MTMR3: variants seen among roughly 807,000 people sequenced by gnomAD.
MTMR3 encodes the protein phosphatidylinositol-3,5-bisphosphate 3-phosphatase MTMR3.
In MTMR3, 32 loss-of-function variants were observed where a neutral mutation model predicts 132.4. The ratio of observed to expected loss-of-function variants is 0.24; its 90% CI spans 0.18 to 0.32. MTMR3 has a LOEUF of 0.32. Among genes scored for constraint, MTMR3 ranks in the 10% least tolerant of loss-of-function variants. The pLI is 1.00. For missense variants in MTMR3, 1,216 were observed against 1,489.6 expected, an observed-to-expected ratio of 0.82 and a Z score of 3.02; for synonymous variants, 556 against 550.3, an observed-to-expected ratio of 1.01 and a Z score of -0.14.
chr22:29,952,184 G>C (rs1037795182), intron 1 of MTMR3, among the ~76,000 whole-genome samples: 1 of 152,142 alleles, frequency 6.6e-6, no homozygotes, highest in African/African-American at 2.4e-5. Context: ...ATAACTTGGA[G>C]TTCAGCTTGG....
intron 1 of MTMR3, among the ~76,000 whole-genome samples, chr22:29,893,683 A>G (rs2064840126): frequency 6.6e-6 from 1 of 152,034 alleles, no homozygotes; most frequent in Admixed American, 6.6e-5. Flanking sequence ...AGACACTTAT[A>G]TATAGAAGAG....
At chr22:29,905,468 A>G (rs1460381521) in intron 1 of MTMR3, among the ~76,000 whole-genome samples, 1 of 152,182 alleles carries the variant, frequency 6.6e-6, no homozygotes, top group Admixed American at 6.5e-5. Flanking sequence ...ATACTATGAA[A>G]ATTTCATAGT....
intron 1 of MTMR3, among the ~76,000 whole-genome samples, chr22:29,934,150 C>T (rs36592): frequency 0.078 from 11,803 of 152,098 alleles, 541 homozygotes; most frequent in African/African-American, 0.092. Context: ...GTCAAGAGAT[C>T]GAGACCATCC....
intron 7 of MTMR3, chr22:29,995,678 T>A (rs2067046713): frequency 6.6e-6 from 1 of 152,176 alleles, no homozygotes; most frequent in Admixed American, 6.5e-5. Context: ...ATAGCCCCAG[T>A]ATTTAAAGAA....
rs1447787117 is a variant in MTMR3, at chr22:30,018,019, C to T, written c.1767C>T (p.Ser589=). 1.2e-6 allele frequency: 2 copies of T among 1,613,664 alleles called. No homozygotes were observed. Among genetic ancestry groups the T allele is most frequent in the South Asian group, 2.2e-5 (2 of 91,032 alleles). ...CPSPTTPVDD[S]CAPYPAPGTS... ...CCCCAACCACCCCTGTGGACGACAG[C>T]TGTGCACCATACCCAGCCCCAGGCA... Residue 589 remains serine, a synonymous_variant, in exon 16 of 20, where the codon AGC becomes AGT. Transcript: ENST00000401950.
At chr22:29,991,726 G>C (rs1211506176) in intron 7 of MTMR3, 56 bp downstream of exon 7, 2 of 1,484,126 alleles carry the variant, frequency 1.3e-6, no homozygotes, top group South Asian at 2.7e-5. Context: ...TACTGATGGA[G>C]GTACTTTTAA....
At chr22:29,936,402 C>G (rs916038447) in intron 1 of MTMR3, among the ~76,000 whole-genome samples, 3 of 152,136 alleles carry the variant, frequency 2.0e-5, no homozygotes, top group Non-Finnish European at 4.4e-5. Context: ...GTGCCCATAA[C>G]AACATAAACT....
chr22:29,950,362 T>C (rs1191492598), intron 1 of MTMR3, among the ~76,000 whole-genome samples: 2 of 130,440 alleles, frequency 1.5e-5, no homozygotes, highest in Non-Finnish European at 3.6e-5. Flanking sequence ...TTTATTTTTT[T>C]ATTTATTTTT....
At chr22:29,893,438 T>C (rs2064835406) in intron 1 of MTMR3, among the ~76,000 whole-genome samples, 1 of 152,222 alleles carries the variant, frequency 6.6e-6, no homozygotes, top group Non-Finnish European at 1.5e-5. Flanking sequence ...TTAGTTGGTC[T>C]TTGCGTACAT....
At chr22:29,904,153 A>G (rs1476024221) in intron 1 of MTMR3, among the ~76,000 whole-genome samples, 1 of 152,232 alleles carries the variant, frequency 6.6e-6, no homozygotes, top group Non-Finnish European at 1.5e-5. Context: ...AGGGTTGCCA[A>G]AATTAACACC....
chr22:29,892,177 C>T (rs2064813114), intron 1 of MTMR3, among the ~76,000 whole-genome samples: 1 of 151,938 alleles, frequency 6.6e-6, no homozygotes, highest in South Asian at 2.1e-4. Flanking sequence ...GTCCCATGCT[C>T]TTGAGAGTCG....
At chr22:30,013,577 A>C in intron 14 of MTMR3, 36 bp downstream of exon 14, 1 of 1,597,626 alleles carries the variant, frequency 6.3e-7, no homozygotes, top group Non-Finnish European at 8.6e-7. Context: ...TCTCAATTTG[A>C]AGGAGGGTCA....
At chr22:29,935,339 G>A (rs2065727673) in intron 1 of MTMR3, among the ~76,000 whole-genome samples, 1 of 152,180 alleles carries the variant, frequency 6.6e-6, no homozygotes. Context: ...GCAGGAGAAA[G>A]AAAAAGTGAC....
At chr22:29,908,698 A>C (rs1478024055) in intron 1 of MTMR3, among the ~76,000 whole-genome samples, 1 of 152,230 alleles carries the variant, frequency 6.6e-6, no homozygotes, top group East Asian at 1.9e-4. Flanking sequence ...AATATTTTTC[A>C]GAGATAAGAC....
chr22:30,025,778 C>A lies in MTMR3; in HGVS notation c.3574C>A (p.Pro1192Thr). 2 of 1,614,088 alleles carry A rather than the reference C, an allele frequency of 1.2e-6. No homozygotes were observed. The highest frequency in any genetic ancestry group is 1.7e-6 in the Non-Finnish European group (2 of 1,180,012). ...SSSIDLELDK[P>T]IAATSN ...CAGCATTGACCTTGAACTGGATAAG[C>A]CCATTGCTGCCACTTCCAACTGAAG... The change falls in exon 20 of 20, where the codon CCC (proline) becomes ACC (threonine). Residue 1192 changes from proline (P) to threonine (T), a missense_variant. Around this residue, in one of 7 missense-constraint regions of MTMR3, gnomAD observed 852 missense variants for 852.0 expected, o/e 1.00. Coordinates refer to ENST00000401950, the MANE Select transcript of MTMR3 (RefSeq NM_021090.4).
In MTMR3 at chr22:30,012,540, G is replaced by A; in HGVS notation, c.1294G>A (p.Asp432Asn). ...QIVALAKLLL[D>N]PYYRTIEGFQ... is the part of the protein sequence containing the mutation. ...TGTGGCATTGGCTAAGCTCTTGCTG[G>A]ACCCTTATTACCGAACCATAGAGGT... Residue 432 changes from aspartate to asparagine, a missense_variant, in exon 13 of 20, where the codon GAC becomes AAC. Physicochemically the swap from Asp to Asn is conservative, Grantham distance 23 (BLOSUM62 1). Transcript: ENST00000401950. 6.2e-7 allele frequency: 1 copy of A among 1,612,896 alleles called. No homozygotes were observed. Among genetic ancestry groups the A allele is most frequent in the Non-Finnish European group, 8.5e-7 (1 of 1,179,770 alleles).
chr22:29,995,949 T>G (rs2067051291), intron 7 of MTMR3: 1 of 152,220 alleles, frequency 6.6e-6, no homozygotes, highest in South Asian at 2.1e-4. Flanking sequence ...AATATCAAAT[T>G]GTGTCACACA....
intron 1 of MTMR3, among the ~76,000 whole-genome samples, chr22:29,918,969 C>T (rs1365555463): frequency 6.6e-6 from 1 of 152,140 alleles, no homozygotes; most frequent in Non-Finnish European, 1.5e-5. Context: ...TGATTTTTAA[C>T]TCATGGCCTC....
At chr22:30,024,857 G>C (rs2067869496) in intron 19 of MTMR3, 1 of 152,576 alleles carries the variant, frequency 6.6e-6, no homozygotes. Context: ...AGATGCCTCA[G>C]AACCCAGCTT....
Sources: allele counts gnomAD v4.1 joint callset (sites outside exome capture counted in the v4.1 genomes callset), GRCh38; gene constraint gnomAD v4.1.1; regional missense constraint gnomAD v4.1.1; transcripts MANE v1.5; gene names NCBI Gene and HGNC (gene_info 2026-07-23, HGNC 2026-07-21).